Variants in EFL1 observed in about 807,000 individuals in gnomAD.
EFL1 encodes the protein elongation factor like GTPase 1.
A neutral mutation model predicts 126.7 loss-of-function variants in EFL1; 76 were observed. The ratio of observed to expected loss-of-function variants is 0.60; its 90% CI spans 0.50 to 0.73. The LOEUF is 0.73. EFL1 is among the 30% of genes least tolerant of loss of function. The pLI, the probability that EFL1 is intolerant of heterozygous loss-of-function variation, is 0.00. For missense variants in EFL1, 1,128 were observed against 1,343.2 expected, an observed-to-expected ratio of 0.84 and a Z score of 2.50; for synonymous variants, 410 against 448.4, an observed-to-expected ratio of 0.91 and a Z score of 1.08.
intron 15 of EFL1, among the ~76,000 whole-genome samples, chr15:82,203,879 T>C (rs2074497715): frequency 6.6e-6 from 1 of 152,238 alleles, no homozygotes; most frequent in Non-Finnish European, 1.5e-5. Flanking sequence ...TCTGCTTTCA[T>C]AAACAGTGCT....
intron 12 of EFL1, among the ~76,000 whole-genome samples, chr15:82,224,822 A>G (rs1223981403): frequency 1.3e-5 from 2 of 152,218 alleles, no homozygotes; most frequent in Non-Finnish European, 2.9e-5. Context: ...CATAATCTCT[A>G]CTGAGGTAGG....
chr15:82,213,033 A>C (rs2074606073), intron 15 of EFL1, among the ~76,000 whole-genome samples: 1 of 152,220 alleles, frequency 6.6e-6, no homozygotes, highest in South Asian at 2.1e-4. Flanking sequence ...CAGAAGAGTC[A>C]TGACACCAGC....
At chr15:82,147,377 C>G (rs973213427) in intron 18 of EFL1, among the ~76,000 whole-genome samples, 1 of 152,076 alleles carries the variant, frequency 6.6e-6, no homozygotes, top group African/African-American at 2.4e-5. Context: ...CGCCTGTAAT[C>G]CCAGCATTTT....
chr15:82,138,958 T>C (rs2073756123), intron 18 of EFL1, 116 bp from the exon 19 acceptor site: 2 of 970,792 alleles, frequency 2.1e-6, no homozygotes. Context: ...TTGTTCTCAA[T>C]AATGTTGATT....
Position 82,229,026 on chromosome 15 carries a change from A to G in EFL1, c.932+8T>C. 1 of 1,605,468 alleles carries G rather than the reference A, an allele frequency of 6.2e-7. No homozygotes were observed. Among genetic ancestry groups the G allele is most frequent in the South Asian group, 1.1e-5 (1 of 89,238 alleles). On this transcript the variant is annotated splice_region_variant and intron_variant, in intron 9 of 19. Coordinates refer to ENST00000268206, the MANE Select transcript of EFL1 (RefSeq NM_024580.6). ...AAGATGCCTAAAGGTAAACAATAAG[A>G]GTCTTACTTTTTCAAAACAGCATCA...
intron 15 of EFL1, among the ~76,000 whole-genome samples, chr15:82,207,375 A>C (rs1439058407): frequency 1.3e-5 from 2 of 151,738 alleles, no homozygotes; most frequent in East Asian, 3.9e-4. Flanking sequence ...CAAATGAAAC[A>C]AAGATTCTTA....
At chr15:82,232,137 G>A (rs181766966) in intron 7 of EFL1, among the ~76,000 whole-genome samples, 1 of 152,170 alleles carries the variant, frequency 6.6e-6, no homozygotes, top group Non-Finnish European at 1.5e-5. Context: ...AGAAACAATA[G>A]GAGGCAACCA....
intron 15 of EFL1, among the ~76,000 whole-genome samples, chr15:82,187,540 C>T (rs1037359996): frequency 6.6e-6 from 1 of 152,106 alleles, no homozygotes; most frequent in East Asian, 1.9e-4. Context: ...TTTCTTGTGA[C>T]CTAGTAAATT....
At position 82,246,155 on chromosome 15, in the gene EFL1, A is replaced by G. The variant is rs567777612; in HGVS notation, c.245-4752T>C. ...TTTTCTCAGTATGATGCCAGTCCAC[A>G]TCTGCCACCCAGTACTGTGGCCACA... On this transcript the variant is annotated intron_variant, in intron 4 of 19. Transcript: ENST00000268206. Among the ~76,000 whole-genome samples the G allele has an allele frequency of 2.1e-4, 32 of 152,148 alleles. 1 individual carries two copies. In the South Asian group the frequency reaches 2.7e-3, roughly 13 times the overall value.
At chr15:82,203,036 C>G (rs2074487141) in intron 15 of EFL1, among the ~76,000 whole-genome samples, 1 of 151,914 alleles carries the variant, frequency 6.6e-6, no homozygotes, top group African/African-American at 2.4e-5. Flanking sequence ...GGTCTCTTAA[C>G]TCCTGACCTT....
At chr15:82,201,646 G>GA (rs1417746860) in intron 15 of EFL1, among the ~76,000 whole-genome samples, 1 of 125,920 alleles carries the variant, frequency 7.9e-6, no homozygotes, top group Non-Finnish European at 1.6e-5. Flanking sequence ...TATTTTGTCA[G>GA]AATATCATTT....
intron 15 of EFL1, among the ~76,000 whole-genome samples, chr15:82,185,593 C>T (rs1370965237): frequency 6.6e-6 from 1 of 151,918 alleles, no homozygotes; most frequent in African/African-American, 2.4e-5. Context: ...GAATAGCTTC[C>T]TATAAAAAGC....
At chr15:82,217,373 G>GAAAAAAAAAAAAAAAAAAAAA in intron 14 of EFL1, among the ~76,000 whole-genome samples, 3 of 27,150 alleles carry the variant, frequency 1.1e-4, no homozygotes, top group Non-Finnish European at 2.1e-4. Flanking sequence ...GATTAGATTT[G>GAAAAAAAAAAAAAAAAAAAAA]AAAAAAAAAA....
In EFL1 at chr15:82,225,193, C is replaced by T. The variant is rs2074749877; in HGVS notation, c.1264G>A (p.Ala422Thr). ...GGCTTATTCTGAGGCAAGGCCTTAG[C>T]ATCAACTGCAAACATTTTGGAAACA... ...IFVSKMFAVD[A>T]KALPQNKPRP... is the part of the protein sequence containing the mutation. The change falls in exon 12 of 20, where the codon GCT becomes ACT. Residue 422 changes from alanine to threonine, a missense_variant. By Grantham distance (58) the Ala-to-Thr change is moderately conservative (BLOSUM62 0). Transcript: ENST00000268206. The T allele has an allele frequency of 6.2e-7, 1 of 1,611,826 alleles. No individual in the cohort carries two copies. Among genetic ancestry groups the T allele is most frequent in the African/African-American group, 1.3e-5 (1 of 74,760 alleles).
chr15:82,152,391 G>A lies in EFL1; in HGVS notation c.2063C>T (p.Pro688Leu), dbSNP rs1238350236. ...GATTGTTTCTCTGAATGGAATAATA[G>A]GTTCAGATACACTGATATGAATCTT... ...FAKIHISVSE[P>L]IIPFRETITK... is the part of the protein sequence containing the mutation. Residue 688 changes from proline (P) to leucine (L), a missense_variant, in exon 18 of 20, where the codon CCT becomes CTT. Physicochemically the swap from Pro to Leu is moderately conservative, Grantham distance 98 (BLOSUM62 -3). Transcript: ENST00000268206. 6.2e-7 allele frequency: 1 copy of A among 1,612,214 alleles called. No individual in the cohort carries two copies. The highest frequency in any genetic ancestry group is 1.3e-5 in the African/African-American group (1 of 74,818).
intron 18 of EFL1, among the ~76,000 whole-genome samples, chr15:82,139,293 G>A (rs1218017796): frequency 6.6e-6 from 1 of 152,094 alleles, no homozygotes; most frequent in Non-Finnish European, 1.5e-5. Context: ...GCAAGCAACT[G>A]GCATTTTTAT....
At chr15:82,216,784 TC>T (rs1443789656) in intron 14 of EFL1, among the ~76,000 whole-genome samples, 7 of 152,142 alleles carry the variant, frequency 4.6e-5, no homozygotes, top group Admixed American at 1.3e-4. Flanking sequence ...ATTTCAATTT[TC>T]TTAGGATACA....
chr15:82,212,490 C>T (rs2074600731), intron 15 of EFL1, among the ~76,000 whole-genome samples: 1 of 152,232 alleles, frequency 6.6e-6, no homozygotes. Context: ...ATGCAGGGGA[C>T]TCAACCAGAT....
At chr15:82,187,450 T>C (rs551452078) in intron 15 of EFL1, among the ~76,000 whole-genome samples, 1 of 152,240 alleles carries the variant, frequency 6.6e-6, no homozygotes, top group African/African-American at 2.4e-5. Flanking sequence ...AATTTTTTAT[T>C]ATTAACTTTG....
Sources: gnomAD v4.1 joint callset for allele counts (sites outside exome capture counted in the v4.1 genomes callset) on GRCh38, gnomAD v4.1.1 for gene constraint, MANE v1.5 for transcripts, NCBI Gene and HGNC (gene_info 2026-07-23, HGNC 2026-07-21) for gene names.